Variants in CELSR1 observed in about 807,000 individuals in gnomAD.
CELSR1 encodes adhesion G protein-coupled receptor C1.
CELSR1 carries 110 observed loss-of-function variants against 249.1 expected under a neutral mutation model. The ratio of observed to expected loss-of-function variants is 0.44; its 90% confidence interval spans 0.38 to 0.52. The LOEUF is 0.52. Ranked by LOEUF, CELSR1 falls within the 20% of genes least tolerant of loss-of-function variation. The pLI is 0.00. For missense variants in CELSR1, 4,109 were observed against 4,296.4 expected, an observed-to-expected ratio of 0.96 and a Z score of 1.22; for synonymous variants, 2,113 against 1,900.0, an observed-to-expected ratio of 1.11 and a Z score of -2.92.
At chr22:46,511,433 G>A (rs761278076) in intron 1 of CELSR1, among the ~76,000 whole-genome samples, 1 of 152,188 alleles carries the variant, frequency 6.6e-6, no homozygotes, top group Non-Finnish European at 1.5e-5. Flanking sequence ...TCAAAGCATC[G>A]CTCCAAAACA....
Position 46,391,472 on chromosome 22 carries a change from C to A in CELSR1, c.6148+161G>T, listed in dbSNP as rs1057438437. On this transcript the variant is annotated intron_variant, in intron 15 of 34. Coordinates refer to ENST00000674500, the MANE Select transcript of CELSR1 (RefSeq NM_001378328.1). The surrounding 1 kb of genome is among the most constrained non-coding windows in gnomAD (Gnocchi z 4.3). Reference sequence around the variant, plus strand: ...AGGGGTGACCAGGCTCTGACCCACACCCCCTCACGCAGAACCAGGTTTCTA... The same window carrying A: ...AGGGGTGACCAGGCTCTGACCCACAACCCCTCACGCAGAACCAGGTTTCTA... 4.6e-5 allele frequency among the ~76,000 whole-genome samples: 7 copies of A among 152,156 alleles called. No individual in the cohort carries two copies. In the East Asian group the frequency reaches 1.4e-3, roughly 30 times the overall value.
At chr22:46,403,182 TAAA>T (rs2079226239) in intron 9 of CELSR1, among the ~76,000 whole-genome samples, 1 of 152,162 alleles carries the variant, frequency 6.6e-6, no homozygotes, top group Non-Finnish European at 1.5e-5. Flanking sequence ...AAGTAATAGA[TAAA>T]TCTACAGTCA....
intron 1 of CELSR1, among the ~76,000 whole-genome samples, chr22:46,467,735 T>C (rs1166421336): frequency 2.0e-5 from 3 of 151,816 alleles, no homozygotes; most frequent in East Asian, 3.9e-4. Flanking sequence ...GGCAGGAGAA[T>C]GGCATGAACC....
At chr22:46,370,000 CCAGGTGG>C in intron 25 of CELSR1, 196 bp from the exon 26 acceptor site, 1 of 659,828 alleles carries the variant, frequency 1.5e-6, no homozygotes, top group South Asian at 1.5e-5. Context: ...GCTCACTGGC[CCAGGTGG>C]CAGGAGCTGC....
In CELSR1 at chr22:46,534,253, C is replaced by A. The variant is rs139147175; in HGVS notation, c.2918G>T (p.Arg973Leu). ...GGCGCTAAGGGGAGTGGGACTGCCC[C>A]GATCCACAGCCAGAGCCCAAAGGTT... ...VYNLWALAVD[R>L]GSPTPLSASV... is the part of the protein sequence containing the mutation. Residue 973 changes from arginine to leucine, a missense_variant, in exon 1 of 35, where the codon CGG (arginine) becomes CTG (leucine). Physicochemically the swap from Arg to Leu is moderately radical, Grantham distance 102. Around this residue, in one of 7 missense-constraint regions of CELSR1, gnomAD observed 886 missense variants for 896.5 expected, o/e 0.99. Transcript: ENST00000674500. This position sits in a 1 kb window ranked among gnomAD's most constrained non-coding sequence, Gnocchi z 9.7. The A allele has an allele frequency of 2.5e-6, 4 of 1,613,444 alleles. No individual in the cohort carries two copies. The highest frequency in any genetic ancestry group is 3.4e-6 in the Non-Finnish European group (4 of 1,180,028).
intron 25 of CELSR1, among the ~76,000 whole-genome samples, chr22:46,371,055 C>G (rs969266343): frequency 2.0e-5 from 3 of 152,236 alleles, no homozygotes; most frequent in African/African-American, 7.2e-5. Context: ...CTCAGCGTCT[C>G]TCACAGTAAG....
Position 46,427,293 on chromosome 22 carries a change from T to G in CELSR1, c.4611+6100A>C, listed in dbSNP as rs1209034443. 1.3e-5 allele frequency among the ~76,000 whole-genome samples: 2 copies of G among 152,124 alleles called. No homozygotes were observed. The highest frequency in any genetic ancestry group is 4.8e-5 in the African/African-American group (2 of 41,432). On this transcript the variant is annotated intron_variant, in intron 5 of 34. Transcript: ENST00000674500. The surrounding 1 kb of genome is among the most constrained non-coding windows in gnomAD (Gnocchi z 4.2). ...GCTTATGCCTGTAATCCTAACTGTT[T>G]GGGAGGCCAAGGCAGGGAGATCACC... is the stretch of plus-strand genomic sequence containing the variant.
In CELSR1 at chr22:46,413,031, G is replaced by A. The variant is rs943202957; in HGVS notation, c.4612-1272C>T. Among the ~76,000 whole-genome samples, 1 of 152,144 alleles carries A rather than the reference G, an allele frequency of 6.6e-6. No homozygotes were observed. Among genetic ancestry groups the A allele is most frequent in the African/African-American group, 2.4e-5 (1 of 41,418 alleles). On this transcript the variant is annotated intron_variant, in intron 5 of 34. Transcript: ENST00000674500. This position sits in a 1 kb window ranked among gnomAD's most constrained non-coding sequence, Gnocchi z 4.7. The stretch of plus-strand genomic sequence containing the variant: ...CCCTCCCACCACCCCTATAAAGGAT[G>A]GGTTCGATGCCTCCTCCTGATAGTT...
At position 46,534,982 on chromosome 22, in the gene CELSR1, C is replaced by T. The variant is rs756948888; in HGVS notation, c.2189G>A (p.Arg730Gln). 2 of 1,612,050 alleles carry T rather than the reference C, an allele frequency of 1.2e-6. No individual in the cohort carries two copies. The highest frequency in any genetic ancestry group is 1.7e-5 in the Admixed American group (1 of 60,002). ...ITYQLTGGNT[R>Q]NRFALSSQRG... ...CTGGCTGCTGAGTGCAAAGCGGTTCCGGGTGTTGCCGCCTGTGAGCTGGTA... is the reference window on the plus strand; with the variant it reads ...CTGGCTGCTGAGTGCAAAGCGGTTCTGGGTGTTGCCGCCTGTGAGCTGGTA... The change falls in exon 1 of 35, where the codon CGG becomes CAG. Residue 730 changes from arginine (R) to glutamine (Q), a missense_variant. Physicochemically the swap from Arg to Gln is conservative, Grantham distance 43. Coordinates refer to ENST00000674500, the MANE Select transcript of CELSR1 (RefSeq NM_001378328.1). This position sits in a 1 kb window ranked among gnomAD's most constrained non-coding sequence, Gnocchi z 9.7.
In CELSR1 at chr22:46,397,761, C is replaced by G; in HGVS notation, c.5614G>C (p.Val1872Leu). 1 of 1,603,410 alleles carries G rather than the reference C, an allele frequency of 6.2e-7. No homozygotes were observed. The highest frequency in any genetic ancestry group is 8.5e-7 in the Non-Finnish European group (1 of 1,174,500). ...GGGCTCGAGGTACAGGGGTCGTCCACATCACAGCCGTCCTTCACCCTGACC... is the reference window on the plus strand; with the variant it reads ...GGGCTCGAGGTACAGGGGTCGTCCAGATCACAGCCGTCCTTCACCCTGACC... ...LKVRVKDGCD[V>L]DDPCTSSPCP... The change falls in exon 12 of 35, where the codon GTG becomes CTG. Residue 1872 changes from valine (V) to leucine (L), a missense_variant. Val to Leu is a conservative substitution (Grantham distance 32, BLOSUM62 1). Transcript: ENST00000674500.
At position 46,440,465 on chromosome 22, in the gene CELSR1, C is replaced by T. The variant is rs555483834; in HGVS notation, c.4184-1054G>A. On this transcript the variant is annotated intron_variant, in intron 2 of 34. Coordinates refer to ENST00000674500, the MANE Select transcript of CELSR1 (RefSeq NM_001378328.1). This position sits in a 1 kb window ranked among gnomAD's most constrained non-coding sequence, Gnocchi z 4.7. The stretch of plus-strand genomic sequence containing the variant: ...CCGCCTGCCTTGGCCTCCCAAAGTG[C>T]TGGGATTACAGGCGTGAGCCACCGC... 1.3e-5 allele frequency among the ~76,000 whole-genome samples: 2 copies of T among 152,246 alleles called. No homozygotes were observed. Among genetic ancestry groups the T allele is most frequent in the African/African-American group, 2.4e-5 (1 of 41,470 alleles).
chr22:46,385,723 G>GCCGGA (rs2079025376), intron 19 of CELSR1, among the ~76,000 whole-genome samples: 1 of 149,344 alleles, frequency 6.7e-6, no homozygotes, highest in Non-Finnish European at 1.5e-5. Flanking sequence ...TCTCGCCCAG[G>GCCGGA]CTGGAGTGCA....
rs180851505 is a variant in CELSR1 at position 46,433,524 on chromosome 22, C to T, written c.4523-43G>A. On this transcript the variant is annotated intron_variant, in intron 4 of 34. Coordinates refer to ENST00000674500, the MANE Select transcript of CELSR1 (RefSeq NM_001378328.1). The surrounding 1 kb of genome is among the most constrained non-coding windows in gnomAD (Gnocchi z 5.7). ...GACCCAGAGAGAAAACAGGGGTTGGCGGGGCCTACTGGGGACCGAGGATTG... is the reference window on the plus strand; with the variant it reads ...GACCCAGAGAGAAAACAGGGGTTGGTGGGGCCTACTGGGGACCGAGGATTG... 2.0e-4 allele frequency: 307 copies of T among 1,526,712 alleles called. No homozygotes were observed. The East Asian group carries it at 5.7e-3, about 29-fold the overall frequency. 94.6% of individuals were successfully genotyped at this position (1,526,712 alleles called of 1,614,324 possible). A position where few individuals can be genotyped will look rare whatever the true frequency, so the allele number is the denominator to read the frequency against.
chr22:46,372,457 AC>A (rs1196033972), intron 25 of CELSR1, among the ~76,000 whole-genome samples: 1 of 9,722 alleles, frequency 1.0e-4, no homozygotes, highest in Non-Finnish European at 1.9e-4. Flanking sequence ...CCATCCACTC[AC>A]CCCCCATCCA....
rs1030231777 is a variant in CELSR1 at position 46,440,532 on chromosome 22, T to C, written c.4184-1121A>G. Among the ~76,000 whole-genome samples, 3 of 152,246 alleles carry C rather than the reference T, an allele frequency of 2.0e-5. No individual in the cohort carries two copies. The highest frequency in any genetic ancestry group is 4.8e-5 in the African/African-American group (2 of 41,472). On this transcript the variant is annotated intron_variant, in intron 2 of 34. Transcript: ENST00000674500. The surrounding 1 kb of genome is among the most constrained non-coding windows in gnomAD (Gnocchi z 4.7). ...CAATCTTTAAAATATTTTGCATCTCTGACAAATGGATCTCAACGATCTTTT... is the reference window on the plus strand; with the variant it reads ...CAATCTTTAAAATATTTTGCATCTCCGACAAATGGATCTCAACGATCTTTT...
rs2080745273 is a variant in CELSR1, at chr22:46,527,057, T to C, written c.3544+6570A>G. ...TGCCCGGTCCAGGTTCAAATCCCAC[T>C]GCTGCCATCACAAGCTGGTGCCCTG... On this transcript the variant is annotated intron_variant, in intron 1 of 34. Transcript: ENST00000674500. The surrounding 1 kb of genome is among the most constrained non-coding windows in gnomAD (Gnocchi z 5.5). 6.6e-6 allele frequency among the ~76,000 whole-genome samples: 1 copy of C among 152,192 alleles called. No homozygotes were observed. The highest frequency in any genetic ancestry group is 2.4e-5 in the African/African-American group (1 of 41,442).
rs116211973 is a variant in CELSR1 at position 46,454,746 on chromosome 22, C to T, written c.4183+8961G>A. ...ACACATCGCAGAAACCTGCCTCCCACCCTGGAGTGGCCCGTGGTCCTCGCA... is the reference window on the plus strand; with the variant it reads ...ACACATCGCAGAAACCTGCCTCCCATCCTGGAGTGGCCCGTGGTCCTCGCA... On this transcript the variant is annotated intron_variant, in intron 2 of 34. Transcript: ENST00000674500. This position sits in a 1 kb window ranked among gnomAD's most constrained non-coding sequence, Gnocchi z 5.1. 0.018 allele frequency among the ~76,000 whole-genome samples: 2,698 copies of T among 152,356 alleles called. 68 individuals carry two copies. The highest frequency in any genetic ancestry group is 0.059 in the African/African-American group (2,443 of 41,578).
At chr22:46,404,498 G>A (rs574933087) in intron 9 of CELSR1, among the ~76,000 whole-genome samples, 2 of 152,220 alleles carry the variant, frequency 1.3e-5, no homozygotes, top group East Asian at 3.9e-4. Flanking sequence ...ATCAGTCTAA[G>A]ATAAATTCAT....
chr22:46,428,504 G>C lies in CELSR1; in HGVS notation c.4611+4889C>G, dbSNP rs889334739. ...CAGGACTCCCGCTAGCTGAGCTCCC[G>C]TCTCACTAGCCCAGTGGTTCTCATC... On this transcript the variant is annotated intron_variant, in intron 5 of 34. Transcript: ENST00000674500. This position sits in a 1 kb window ranked among gnomAD's most constrained non-coding sequence, Gnocchi z 5.7. Among the ~76,000 whole-genome samples the C allele has an allele frequency of 6.6e-6, 1 of 152,202 alleles. No individual in the cohort carries two copies. The highest frequency in any genetic ancestry group is 1.5e-5 in the Non-Finnish European group (1 of 68,038).
Sources: allele counts gnomAD v4.1 joint callset (sites outside exome capture counted in the v4.1 genomes callset), GRCh38; gene constraint gnomAD v4.1.1; regional missense constraint gnomAD v4.1.1; non-coding constraint Gnocchi (gnomAD v3.1); transcripts MANE v1.5; gene names NCBI Gene and HGNC (gene_info 2026-07-23, HGNC 2026-07-21).